Variants in PRSS23 observed in about 807,000 individuals in gnomAD.
PRSS23 encodes the protein protease, serine 23.
PRSS23 carries 25 observed loss-of-function variants against 34.7 expected under a neutral mutation model. That is an observed-to-expected ratio of 0.72 (90% CI 0.53 to 1.01). The LOEUF (loss-of-function observed/expected upper bound fraction) is 1.01, where lower values mean the gene tolerates loss of function less well. Among genes scored for constraint, PRSS23 ranks in the 50% least tolerant of loss-of-function variants. PRSS23 has a pLI of 0.00. For synonymous variants in PRSS23, 176 were observed against 186.6 expected (o/e 0.94, Z 0.46); for missense variants, 445 against 475.6 (o/e 0.94, Z 0.60).
chr11:86,840,545 G>T (rs1356233648), intron 2 of PRSS23, among the ~76,000 whole-genome samples: 1 of 152,166 alleles, frequency 6.6e-6, no homozygotes, highest in Non-Finnish European at 1.5e-5. Flanking sequence ...GTATTAGACA[G>T]ATCAACAAGA....
intron 2 of PRSS23, chr11:86,949,372 AG>A (rs1360963052): frequency 6.6e-6 from 1 of 151,312 alleles, no homozygotes; most frequent in Non-Finnish European, 1.5e-5. Context: ...TGGAATTTTG[AG>A]TCCCTGGAAA....
chr11:86,947,382 CT>C (rs1407081881), intron 2 of PRSS23: 1 of 152,404 alleles, frequency 6.6e-6, no homozygotes, highest in East Asian at 1.9e-4. Flanking sequence ...TTGAGCTCAT[CT>C]TTGTGTCCTC....
chr11:86,913,024 G>T (rs982829464), intron 2 of PRSS23, among the ~76,000 whole-genome samples: 2 of 152,048 alleles, frequency 1.3e-5, no homozygotes, highest in Non-Finnish European at 2.9e-5. Flanking sequence ...GCCTTAGTTG[G>T]GCTGCTTGAC....
Position 86,939,403 on chromosome 11 carries a change from A to AAAAAAT in PRSS23, c.207-11812_207-11811insAAAATA, listed in dbSNP as rs60997928. Among the ~76,000 whole-genome samples, 19 of 80,548 alleles carry AAAAAAT rather than the reference A, an allele frequency of 2.4e-4. 1 individual carries two copies. Among genetic ancestry groups the AAAAAAT allele is most frequent in the African/African-American group, 6.5e-4 (18 of 27,548 alleles). The allele number at this position is 80,548 out of a possible 152,430, so 52.8% of individuals were successfully genotyped here. ...TTCCTATTTCTCAGTTAAAAAAAAA[A>AAAAAAT]ATATATATATATATATATATATATT... On this transcript the variant is annotated intron_variant, in intron 2 of 2. Coordinates refer to the PRSS23 transcript ENST00000533902.
chr11:86,827,794 TTGA>T (rs1390485039), intron 2 of PRSS23, among the ~76,000 whole-genome samples: 1 of 152,240 alleles, frequency 6.6e-6, no homozygotes, highest in African/African-American at 2.4e-5. Context: ...TTCCATGTAG[TTGA>T]GTGGTTTTGA....
chr11:86,809,142 A>G lies in PRSS23; in HGVS notation c.*347A>G. The G allele has an allele frequency of 4.9e-6, 1 of 202,536 alleles. No individual in the cohort carries two copies. The highest frequency in any genetic ancestry group is 1.1e-5 in the Non-Finnish European group (1 of 92,018). 12.5% of individuals were successfully genotyped at this position (202,536 alleles called of 1,614,324 possible). A position where few individuals can be genotyped will look rare whatever the true frequency, so the allele number is the denominator to read the frequency against. On this transcript the variant is annotated 3_prime_UTR_variant, in exon 2 of 2. Coordinates refer to ENST00000280258, the MANE Select transcript of PRSS23 (RefSeq NM_007173.6). ...TATTTCATCTGAACTTGTTTCAAAG[A>G]TTTATATTAAATATTTGGCATACAA...
At position 86,851,021 on chromosome 11, in the gene PRSS23, C is replaced by T. The variant is rs1046856904; in HGVS notation, c.206+27428C>T. The stretch of plus-strand genomic sequence containing the variant: ...TTGTACTTTCACACCAATTCTTTGG[C>T]GTGGCTAGGCAAGAACCTTAGACGT... On this transcript the variant is annotated intron_variant, in intron 2 of 2. Coordinates refer to the PRSS23 transcript ENST00000533902. 5.3e-5 allele frequency among the ~76,000 whole-genome samples: 8 copies of T among 152,138 alleles called. No homozygotes were observed. In the South Asian group the frequency reaches 8.3e-4, roughly 16 times the overall value.
intron 2 of PRSS23, among the ~76,000 whole-genome samples, chr11:86,853,249 T>TG (rs1201474067): frequency 1.5e-5 from 1 of 65,224 alleles, no homozygotes; most frequent in East Asian, 5.1e-4. Context: ...TGCCTTTTTT[T>TG]TTTTTTTTTT....
At chr11:86,865,273 C>G (rs762075610) in intron 2 of PRSS23, among the ~76,000 whole-genome samples, 1 of 152,204 alleles carries the variant, frequency 6.6e-6, no homozygotes, top group Non-Finnish European at 1.5e-5. Flanking sequence ...TGGTCTTGAG[C>G]AAGTTACTTA....
chr11:86,802,309 T>G (rs1948049640), intron 1 of PRSS23, among the ~76,000 whole-genome samples: 1 of 152,236 alleles, frequency 6.6e-6, no homozygotes, highest in African/African-American at 2.4e-5. Flanking sequence ...AAACTTCATT[T>G]GACCACAAGA....
intron 1 of PRSS23, among the ~76,000 whole-genome samples, chr11:86,817,957 T>C (rs1405328371): frequency 6.6e-6 from 1 of 152,162 alleles, no homozygotes; most frequent in African/African-American, 2.4e-5. Flanking sequence ...CTTATTCTAC[T>C]AATAGCAAGG....
intron 2 of PRSS23, among the ~76,000 whole-genome samples, chr11:86,906,788 C>A (rs750934056): frequency 3.3e-5 from 5 of 152,102 alleles, no homozygotes; most frequent in Non-Finnish European, 5.9e-5. Context: ...GCCCTGTGAA[C>A]ATTTTAGGTA....
At chr11:86,884,175 A>G (rs926033792) in intron 2 of PRSS23, among the ~76,000 whole-genome samples, 5 of 152,038 alleles carry the variant, frequency 3.3e-5, no homozygotes, top group African/African-American at 9.7e-5. Flanking sequence ...ACACTACTCT[A>G]TACTGGCTAC....
intron 2 of PRSS23, among the ~76,000 whole-genome samples, chr11:86,865,329 C>T (rs999411486): frequency 2.0e-5 from 3 of 152,230 alleles, no homozygotes; most frequent in Middle Eastern, 3.4e-3. Flanking sequence ...TGGGGATGAC[C>T]GTAGTAATGA....
At chr11:86,942,126 A>G (rs754339924) in intron 2 of PRSS23, among the ~76,000 whole-genome samples, 36 of 152,206 alleles carry the variant, frequency 2.4e-4, no homozygotes, top group Non-Finnish European at 5.1e-4. Context: ...AGTGCAAGGA[A>G]GGCTCCCAGA....
chr11:86,938,360 C>T (rs1308151881), intron 2 of PRSS23, among the ~76,000 whole-genome samples: 4 of 152,112 alleles, frequency 2.6e-5, no homozygotes, highest in Admixed American at 6.5e-5. Context: ...GAAGAGGAAA[C>T]GTGTATGCAG....
chr11:86,834,434 T>C (rs908773925), intron 2 of PRSS23, among the ~76,000 whole-genome samples: 3 of 152,180 alleles, frequency 2.0e-5, no homozygotes, highest in Non-Finnish European at 2.9e-5. Flanking sequence ...GGTCCTTCTA[T>C]AAGCATTTCT....
At chr11:86,823,446 T>C in exon 2 of PRSS23, 1 of 702,346 alleles carries the variant, frequency 1.4e-6, no homozygotes, top group South Asian at 1.5e-5. Flanking sequence ...CCCACAACTG[T>C]GAAGCGAGAG....
At chr11:86,857,872 G>A in intron 2 of PRSS23, 1 of 513,038 alleles carries the variant, frequency 1.9e-6, no homozygotes, top group Non-Finnish European at 3.9e-6. Flanking sequence ...AGAGCTGCCA[G>A]CCAGGATGAT....
Sources: gnomAD v4.1 joint callset for allele counts (sites outside exome capture counted in the v4.1 genomes callset) on GRCh38, gnomAD v4.1.1 for gene constraint, MANE v1.5 for transcripts, NCBI Gene and HGNC (gene_info 2026-07-23, HGNC 2026-07-21) for gene names.